NFAT5: variants seen among roughly 807,000 people sequenced by gnomAD.
NFAT5 encodes nuclear factor of activated T-cells 5.
Under a neutral mutation model 166.5 loss-of-function variants are expected in NFAT5, and 31 were observed. The ratio of observed to expected loss-of-function variants is 0.19; its 90% CI spans 0.14 to 0.25. The LOEUF (loss-of-function observed/expected upper bound fraction) is 0.25. Ranked by LOEUF, NFAT5 falls within the 10% of genes least tolerant of loss-of-function variation. The probability of loss-of-function intolerance (pLI) is 1.00; values close to 1 mark genes in which losing one functional copy is unlikely to be tolerated. For missense variants in NFAT5, 1,449 were observed against 1,821.8 expected (o/e 0.80, Z 3.72); for synonymous variants, 612 against 639.7 (o/e 0.96, Z 0.65).
At chr16:69,651,113 G>T (rs1048123646) in intron 4 of NFAT5, among the ~76,000 whole-genome samples, 3 of 152,150 alleles carry the variant, frequency 2.0e-5, no homozygotes, top group Non-Finnish European at 4.4e-5. Flanking sequence ...GTCCAGTTAG[G>T]ATCTTTCTCA....
chr16:69,695,365 C>T lies in NFAT5; in HGVS notation c.4644C>T (p.Ser1548=), dbSNP rs1480294084. 6.2e-7 allele frequency: 1 copy of T among 1,611,084 alleles called. No homozygotes were observed. The highest frequency in any genetic ancestry group is 8.5e-7 in the Non-Finnish European group (1 of 1,177,352). The change falls in exon 14 of 15, where the codon TCC becomes TCT. Residue 1548 remains serine (S), a synonymous_variant. Transcript: ENST00000349945. The stretch of plus-strand genomic sequence containing the variant: ...ACCAAGGGAACAACTTGACTGGCTC[C>T]TTTTAACTGGATATGTAAGTATTGC... ...LQNQGNNLTG[S]F is the part of the protein sequence containing the mutation.
At chr16:69,666,928 T>G (rs1206730269) in intron 7 of NFAT5, among the ~76,000 whole-genome samples, 1 of 151,936 alleles carries the variant, frequency 6.6e-6, no homozygotes, top group Non-Finnish European at 1.5e-5. Context: ...AACCCAGATG[T>G]CCAACAATGA....
rs980353411 is a variant in NFAT5 at position 69,566,155 on chromosome 16, A to G, written c.-147A>G. 34 of 629,292 alleles carry G rather than the reference A, an allele frequency of 5.4e-5. No homozygotes were observed. In the East Asian group the frequency reaches 9.8e-4, roughly 18 times the overall value. The allele number at this position is 629,292 out of a possible 1,614,324, so 39.0% of individuals were successfully genotyped here. A position where few individuals can be genotyped will look rare whatever the true frequency, so the allele number is the denominator to read the frequency against. On this transcript the variant is annotated 5_prime_UTR_variant, in exon 1 of 15. Transcript: ENST00000349945. The surrounding 1 kb of genome is among the most constrained non-coding windows in gnomAD (Gnocchi z 5.7). The stretch of plus-strand genomic sequence containing the variant: ...GTTTCCTCGGTCCTCGGCCCAGTGG[A>G]AGTCACTACCCTCGAGGAGGAGGCA...
At chr16:69,667,494 T>TAAAAAAAAAA in intron 7 of NFAT5, among the ~76,000 whole-genome samples, 1 of 125,940 alleles carries the variant, frequency 7.9e-6, no homozygotes, top group Non-Finnish European at 1.8e-5. Context: ...TTGCAGAAAC[T>TAAAAAAAAAA]AAAAAAAAAA....
intron 2 of NFAT5, among the ~76,000 whole-genome samples, chr16:69,570,780 T>C (rs920063382): frequency 2.0e-5 from 3 of 152,314 alleles, no homozygotes; most frequent in African/African-American, 7.2e-5. Context: ...TGCTGCTAGA[T>C]TGGAGTTCAT....
intron 2 of NFAT5, among the ~76,000 whole-genome samples, chr16:69,594,725 A>G (rs573948311): frequency 6.6e-6 from 1 of 152,270 alleles, no homozygotes; most frequent in East Asian, 1.9e-4. Flanking sequence ...AATAATAACT[A>G]TTGTATTGTC....
In NFAT5 at chr16:69,586,729, A is replaced by G. The variant is rs528876097; in HGVS notation, c.127+18181A>G. Among the ~76,000 whole-genome samples, 5 of 152,156 alleles carry G rather than the reference A, an allele frequency of 3.3e-5. No individual in the cohort carries two copies. In the South Asian group the frequency reaches 1.0e-3, roughly 32 times the overall value. ...CGACTGGAAAATTTTTTGACTTTTA[A>G]TATGCTTGGTTGATTCATTTTGTTG... On this transcript the variant is annotated intron_variant, in intron 2 of 14. Transcript: ENST00000349945.
At chr16:69,600,778 A>AT (rs1444803088) in intron 2 of NFAT5, among the ~76,000 whole-genome samples, 1 of 151,146 alleles carries the variant, frequency 6.6e-6, no homozygotes, top group East Asian at 1.9e-4. Flanking sequence ...AAAAAAAAAA[A>AT]AGGCTCCTGA....
intron 7 of NFAT5, among the ~76,000 whole-genome samples, 196 bp downstream of exon 7, chr16:69,660,095 G>C (rs1198769374): frequency 6.6e-6 from 1 of 152,174 alleles, no homozygotes; most frequent in Non-Finnish European, 1.5e-5. Flanking sequence ...TTCAAAAGAT[G>C]TGGAACATTT....
chr16:69,689,213 G>C (rs2037451959), intron 11 of NFAT5, among the ~76,000 whole-genome samples: 1 of 152,168 alleles, frequency 6.6e-6, no homozygotes, highest in Non-Finnish European at 1.5e-5. Context: ...GGAGGTGGAG[G>C]TTGCAGTGAG....
chr16:69,689,149 T>C (rs142102777), intron 11 of NFAT5, among the ~76,000 whole-genome samples: 1 of 152,260 alleles, frequency 6.6e-6, no homozygotes, highest in East Asian at 1.9e-4. Context: ...TGGTGGTGTG[T>C]GCCTGTAGTC....
chr16:69,672,021 A>G (rs1486207277), intron 9 of NFAT5, among the ~76,000 whole-genome samples: 1 of 152,220 alleles, frequency 6.6e-6, no homozygotes, highest in Non-Finnish European at 1.5e-5. Context: ...TCTCAAGTAA[A>G]TATCACTGTC....
At chr16:69,581,413 T>A (rs1402119706) in intron 2 of NFAT5, among the ~76,000 whole-genome samples, 1 of 152,240 alleles carries the variant, frequency 6.6e-6, no homozygotes, top group Non-Finnish European at 1.5e-5. Flanking sequence ...ATGTACAAGT[T>A]TTTGTATAGA....
At chr16:69,646,951 C>G (rs750043230) in intron 3 of NFAT5, 77 bp from the exon 4 acceptor site, 9 of 1,233,510 alleles carry the variant, frequency 7.3e-6, no homozygotes, top group Non-Finnish European at 1.0e-5. Flanking sequence ...GTTCACAAAT[C>G]ACATTTTCAA....
chr16:69,691,900 C>T lies in NFAT5; in HGVS notation c.2075C>T (p.Thr692Ile), dbSNP rs1302019705. 1 of 1,614,148 alleles carries T rather than the reference C, an allele frequency of 6.2e-7. No individual in the cohort carries two copies. The highest frequency in any genetic ancestry group is 8.5e-7 in the Non-Finnish European group (1 of 1,180,028). Residue 692 changes from threonine to isoleucine, a missense_variant, in exon 13 of 15, where the codon ACC (threonine) becomes ATC (isoleucine). Physicochemically the swap from Thr to Ile is moderately conservative, Grantham distance 89 (BLOSUM62 -1). Transcript: ENST00000349945. ...CAGCCCAAGGCATACAACCCAGAGACCCTGACAACTATTCAAACCCAGGAC... is the reference window on the plus strand; with the variant it reads ...CAGCCCAAGGCATACAACCCAGAGATCCTGACAACTATTCAAACCCAGGAC... ...QIQPKAYNPETLTTIQTQDIS... is the reference protein window; with the variant it reads ...QIQPKAYNPEILTTIQTQDIS...
At chr16:69,642,589 G>A (rs1037507947) in intron 3 of NFAT5, among the ~76,000 whole-genome samples, 2 of 152,118 alleles carry the variant, frequency 1.3e-5, no homozygotes, top group Non-Finnish European at 2.9e-5. Context: ...GGGAGGCTGA[G>A]GTGGGCAGAA....
Position 69,566,420 on chromosome 16 carries a change from G to T in NFAT5, c.73+46G>T. On this transcript the variant is annotated intron_variant, in intron 1 of 14. Transcript: ENST00000349945. The surrounding 1 kb of genome is among the most constrained non-coding windows in gnomAD (Gnocchi z 5.7). ...TGGGGCGTGGGGGCGGGGAGACAGG[G>T]AGACAGGGAGACAGGGCCAGGGGAG... 7.3e-7 allele frequency: 1 copy of T among 1,369,704 alleles called. No homozygotes were observed. Among genetic ancestry groups the T allele is most frequent in the South Asian group, 1.2e-5 (1 of 81,648 alleles). The allele number at this position is 1,369,704 out of a possible 1,614,324, so 84.8% of individuals were successfully genotyped here.
chr16:69,566,445 GGC>G lies in NFAT5; in HGVS notation c.73+73_73+74del. On this transcript the variant is annotated intron_variant, in intron 1 of 14. Coordinates refer to ENST00000349945, the MANE Select transcript of NFAT5 (RefSeq NM_138713.4). The surrounding 1 kb of genome is among the most constrained non-coding windows in gnomAD (Gnocchi z 5.7). ...GAGACAGGGAGACAGGGCCAGGGGA[GGC>G]GAGGGGTCCCCGTCCCGCCGGGGGC... 1.5e-6 allele frequency: 2 copies of G among 1,331,390 alleles called. No homozygotes were observed. Among genetic ancestry groups the G allele is most frequent in the South Asian group, 2.5e-5 (2 of 79,332 alleles). The allele number at this position is 1,331,390 out of a possible 1,614,324, so 82.5% of individuals were successfully genotyped here. A position where few individuals can be genotyped will look rare whatever the true frequency, so the allele number is the denominator to read the frequency against.
intron 2 of NFAT5, among the ~76,000 whole-genome samples, chr16:69,576,450 A>G (rs975743863): frequency 1.3e-5 from 2 of 152,200 alleles, no homozygotes; most frequent in Admixed American, 6.5e-5. Flanking sequence ...TATAAACTAC[A>G]TACAAAAATT....
Sources: allele counts gnomAD v4.1 joint callset (sites outside exome capture counted in the v4.1 genomes callset), GRCh38; gene constraint gnomAD v4.1.1; non-coding constraint Gnocchi (gnomAD v3.1); transcripts MANE v1.5; gene names NCBI Gene and HGNC (gene_info 2026-07-23, HGNC 2026-07-21).